The following DLGAP2 variants were observed in gnomAD, a reference collection of about 807,000 sequenced individuals.
DLGAP2 encodes the protein disks large-associated protein 2.
A neutral mutation model predicts 100.3 loss-of-function variants in DLGAP2; 26 were observed. The ratio of observed to expected loss-of-function variants is 0.26; its 90% confidence interval spans 0.19 to 0.36. The LOEUF (loss-of-function observed/expected upper bound fraction) is 0.36, where lower values mean the gene tolerates loss of function less well. Ranked by LOEUF, DLGAP2 falls within the 10% of genes least tolerant of loss-of-function variation. The probability of loss-of-function intolerance (pLI) is 1.00; values close to 1 mark genes in which losing one functional copy is unlikely to be tolerated. For missense variants in DLGAP2, 1,858 were observed against 1,453.2 expected (o/e 1.28, Z -4.53); for synonymous variants, 886 against 630.1 (o/e 1.41, Z -6.08).
intron 2 of DLGAP2, among the ~76,000 whole-genome samples, chr8:1,227,582 C>G (rs545577905): frequency 2.0e-5 from 3 of 152,116 alleles, no homozygotes; most frequent in Non-Finnish European, 4.4e-5. Flanking sequence ...CAAACTCCAC[C>G]TCCCAGGTTC....
At chr8:1,543,005 A>T (rs986161426) in intron 4 of DLGAP2, among the ~76,000 whole-genome samples, 1 of 152,130 alleles carries the variant, frequency 6.6e-6, no homozygotes, top group African/African-American at 2.4e-5. Context: ...CCGTTAGGAC[A>T]TCTTCTTTGG....
chr8:1,683,740 C>T (rs1335307921), intron 12 of DLGAP2, among the ~76,000 whole-genome samples: 1 of 146,270 alleles, frequency 6.8e-6, no homozygotes, highest in Non-Finnish European at 1.5e-5. Context: ...AATCACCTCG[C>T]CATCCTCAGT....
At chr8:897,514 C>A (rs1468365192) in intron 1 of DLGAP2, among the ~76,000 whole-genome samples, 2 of 152,226 alleles carry the variant, frequency 1.3e-5, no homozygotes, top group Admixed American at 1.3e-4. Flanking sequence ...CGTTATTTTA[C>A]ATGAGTCTGT....
chr8:1,424,406 T>A (rs1344060916), intron 3 of DLGAP2, among the ~76,000 whole-genome samples: 1 of 152,228 alleles, frequency 6.6e-6, no homozygotes, highest in Non-Finnish European at 1.5e-5. Flanking sequence ...TATTGGCATA[T>A]GGGGTGGTTG....
intron 2 of DLGAP2, among the ~76,000 whole-genome samples, chr8:982,839 A>G (rs1250104107): frequency 7.2e-6 from 1 of 138,534 alleles, no homozygotes; most frequent in South Asian, 2.2e-4. Flanking sequence ...ATTTGTGTTC[A>G]TTTTTTATCT....
At chr8:854,019 G>GC (rs1797230010) in intron 1 of DLGAP2, among the ~76,000 whole-genome samples, 1 of 152,194 alleles carries the variant, frequency 6.6e-6, no homozygotes, top group African/African-American at 2.4e-5. Context: ...CAGTGAGAAG[G>GC]CGCTGTCTCT....
chr8:1,222,214 T>C (rs1370659220), intron 2 of DLGAP2, among the ~76,000 whole-genome samples: 1 of 152,230 alleles, frequency 6.6e-6, no homozygotes, highest in Non-Finnish European at 1.5e-5. Flanking sequence ...TGGGCTGATG[T>C]TACTTTAATC....
chr8:1,165,279 C>CAGAAATGGGGAG (rs1172894653), intron 2 of DLGAP2, among the ~76,000 whole-genome samples: 2 of 151,390 alleles, frequency 1.3e-5, no homozygotes, highest in Non-Finnish European at 2.9e-5. Flanking sequence ...GAGACAGAGA[C>CAGAAATGGGGAG]AGAGATGGGG....
chr8:1,561,217 C>T (rs138370257), intron 5 of DLGAP2, among the ~76,000 whole-genome samples: 20 of 152,306 alleles, frequency 1.3e-4, no homozygotes, highest in African/African-American at 4.1e-4. Flanking sequence ...TCCCCAGCCA[C>T]GTGGAACTGA....
intron 1 of DLGAP2, among the ~76,000 whole-genome samples, chr8:881,496 CTTTTTTTTT>C (rs533557661): frequency 1.1e-4 from 9 of 85,630 alleles, no homozygotes; most frequent in South Asian, 7.9e-4. Flanking sequence ...TTTCATCTCT[CTTTTTTTTT>C]TTTTTTTTTT....
intron 3 of DLGAP2, among the ~76,000 whole-genome samples, chr8:1,439,168 G>C (rs1291160100): frequency 1.3e-5 from 2 of 152,284 alleles, no homozygotes; most frequent in East Asian, 1.9e-4. Context: ...GAGAATTTAA[G>C]AGAATGAATG....
intron 2 of DLGAP2, among the ~76,000 whole-genome samples, chr8:1,158,839 G>A (rs1202178042): frequency 6.6e-6 from 1 of 152,196 alleles, no homozygotes; most frequent in African/African-American, 2.4e-5. Flanking sequence ...TCACTTTGGG[G>A]ACCCCGTTAG....
rs555885950 is a variant in DLGAP2, at chr8:895,107, G to A, written c.19-12805G>A. 1.4e-4 allele frequency among the ~76,000 whole-genome samples: 21 copies of A among 151,796 alleles called. No homozygotes were observed. In the South Asian group the frequency reaches 4.4e-3, roughly 32 times the overall value. On this transcript the variant is annotated intron_variant, in intron 1 of 14. Coordinates refer to ENST00000637795, the MANE Select transcript of DLGAP2 (RefSeq NM_001346810.2). The stretch of plus-strand genomic sequence containing the variant: ...GGCTCTGGAGGCTACACAGTATAGT[G>A]ACTGCAGTTAATAATAACACAGAGC...
chr8:1,665,591 T>A (rs1223550253), intron 8 of DLGAP2, among the ~76,000 whole-genome samples: 4 of 152,236 alleles, frequency 2.6e-5, no homozygotes, highest in Non-Finnish European at 5.9e-5. Context: ...CTCTGTTGCC[T>A]TTGATTTTTT....
At chr8:1,483,413 A>G (rs1799152060) in intron 3 of DLGAP2, among the ~76,000 whole-genome samples, 1 of 152,108 alleles carries the variant, frequency 6.6e-6, no homozygotes, top group South Asian at 2.1e-4. Flanking sequence ...TGTTGGCTTG[A>G]CGGACCCAGA....
At chr8:1,342,984 G>C (rs556087563) in intron 3 of DLGAP2, among the ~76,000 whole-genome samples, 5 of 152,134 alleles carry the variant, frequency 3.3e-5, no homozygotes, top group African/African-American at 1.2e-4. Context: ...GCATGGGTGC[G>C]GGGTGCTGGG....
At chr8:1,187,455 C>T (rs191527438) in intron 2 of DLGAP2, among the ~76,000 whole-genome samples, 11,530 of 122,626 alleles carry the variant, frequency 0.094, 628 homozygotes, top group East Asian at 0.18. Context: ...TCTCACACAC[C>T]CGGGACCTCC....
At chr8:1,190,239 C>G (rs1051691272) in intron 2 of DLGAP2, among the ~76,000 whole-genome samples, 1 of 152,188 alleles carries the variant, frequency 6.6e-6, no homozygotes, top group Admixed American at 6.5e-5. Flanking sequence ...CACAGAGAGT[C>G]CTCCAAGTCC....
chr8:968,253 C>T lies in DLGAP2; in HGVS notation c.73+60287C>T, dbSNP rs533263228. Among the ~76,000 whole-genome samples the T allele has an allele frequency of 9.1e-4, 138 of 152,114 alleles. 1 individual carries two copies. The highest frequency in any genetic ancestry group is 3.4e-3 in the Middle Eastern group (1 of 294). ...GATTATGACAGCTATGCCCGTGGGG[C>T]CCCTGCCCCCAACCCCCCAGCTGGT... On this transcript the variant is annotated intron_variant, in intron 2 of 14. Coordinates refer to ENST00000637795, the MANE Select transcript of DLGAP2 (RefSeq NM_001346810.2).
Sources: gnomAD v4.1 joint callset for allele counts (sites outside exome capture counted in the v4.1 genomes callset) on GRCh38, gnomAD v4.1.1 for gene constraint, MANE v1.5 for transcripts, NCBI Gene and HGNC (gene_info 2026-07-23, HGNC 2026-07-21) for gene names.